Variants in TBC1D2 observed in about 807,000 individuals in gnomAD.
The protein encoded by TBC1D2 is TBC1 domain family member 2A.
TBC1D2 carries 58 observed loss-of-function variants against 91.1 expected under a neutral mutation model. The observed-to-expected ratio is 0.64, with a 90% confidence interval of 0.52 to 0.79. TBC1D2 has a LOEUF of 0.79. Ranked by LOEUF, TBC1D2 falls within the 30% of genes least tolerant of loss-of-function variation. The pLI is 0.00. For missense variants in TBC1D2, 1,080 were observed against 1,208.3 expected, an observed-to-expected ratio of 0.89 and a Z score of 1.57; for synonymous variants, 482 against 511.5, an observed-to-expected ratio of 0.94 and a Z score of 0.78.
chr9:98,235,361 CCA>C (rs1829478544), intron 3 of TBC1D2: 1 of 446,564 alleles, frequency 2.2e-6, no homozygotes, highest in African/African-American at 2.1e-5. Context: ...TCTAGATAAA[CCA>C]CAGTTACAAG....
intron 6 of TBC1D2, 194 bp from the exon 7 acceptor site, chr9:98,213,412 G>A (rs7854249): frequency 0.072 from 100,459 of 1,395,772 alleles, 4,020 homozygotes; most frequent in African/African-American, 0.12. Context: ...GCATGATGTG[G>A]TAAAGGGACC....
At chr9:98,217,162 C>T (rs1014830930) in intron 6 of TBC1D2, among the ~76,000 whole-genome samples, 1 of 152,180 alleles carries the variant, frequency 6.6e-6, no homozygotes, top group African/African-American at 2.4e-5. Context: ...CCCTCCAGCT[C>T]GATGCCCTAC....
At chr9:98,223,483 C>G (rs1829148579) in intron 5 of TBC1D2, among the ~76,000 whole-genome samples, 1 of 152,154 alleles carries the variant, frequency 6.6e-6, no homozygotes, top group Non-Finnish European at 1.5e-5. Flanking sequence ...ATTAACATTC[C>G]TGTGGTTCCA....
At position 98,235,247 on chromosome 9, in the gene TBC1D2, C is replaced by T. The variant is rs575193410; in HGVS notation, c.648-1698G>A. On this transcript the variant is annotated intron_variant, in intron 3 of 12. Coordinates refer to ENST00000465784, the MANE Select transcript of TBC1D2 (RefSeq NM_001267571.2). The stretch of plus-strand genomic sequence containing the variant: ...GGACATAGGAGGACAACCCCAATTT[C>T]GGAGCATGTAGGAACTATATTGCTT... 516 of 299,832 alleles carry T rather than the reference C, an allele frequency of 1.7e-3. 1 individual carries two copies. The highest frequency in any genetic ancestry group is 2.9e-3 in the Non-Finnish European group (433 of 149,792). The allele number at this position is 299,832 out of a possible 1,614,324, so 18.6% of individuals were successfully genotyped here.
intron 2 of TBC1D2, among the ~76,000 whole-genome samples, chr9:98,250,511 C>T (rs1205492468): frequency 6.6e-6 from 1 of 151,976 alleles, no homozygotes; most frequent in South Asian, 2.1e-4. Flanking sequence ...GCAAAAATGG[C>T]CAGCACAGTG....
At chr9:98,204,855 C>T (rs1828607705) in intron 9 of TBC1D2, among the ~76,000 whole-genome samples, 1 of 152,250 alleles carries the variant, frequency 6.6e-6, no homozygotes, top group Non-Finnish European at 1.5e-5. Flanking sequence ...GTGAGATACA[C>T]TGGCCTCTAT....
intron 2 of TBC1D2, among the ~76,000 whole-genome samples, chr9:98,247,761 C>T (rs1829797397): frequency 6.7e-6 from 1 of 149,430 alleles, no homozygotes; most frequent in Admixed American, 6.6e-5. Context: ...GCCATAAAGC[C>T]CCATATTGTG....
chr9:98,255,120 CGAAAA>C, intron 1 of TBC1D2, 48 bp downstream of exon 1: 1 of 1,555,630 alleles, frequency 6.4e-7, no homozygotes, highest in Non-Finnish European at 8.7e-7. Flanking sequence ...CCTTGCCCTG[CGAAAA>C]GGGGACCTCA....
rs746570490 is a variant in TBC1D2, at chr9:98,210,874, C to T, written c.1486-31G>A. 1,192 of 1,537,396 alleles carry T rather than the reference C, an allele frequency of 7.8e-4. 3 individuals are homozygous for T. The highest frequency in any genetic ancestry group is 1.0e-3 in the Non-Finnish European group (1,138 of 1,140,288). On this transcript the variant is annotated intron_variant, in intron 7 of 12. Transcript: ENST00000465784. ...AACAGGGAAAGGCTGGTCAGGCTACCGGGTGGGAGCTGGGCCGCCCCAGAG... is the reference window on the plus strand; with the variant it reads ...AACAGGGAAAGGCTGGTCAGGCTACTGGGTGGGAGCTGGGCCGCCCCAGAG...
chr9:98,208,633 A>G (rs747554030), intron 9 of TBC1D2, 35 bp downstream of exon 9: 1 of 1,508,620 alleles, frequency 6.6e-7, no homozygotes, highest in South Asian at 1.3e-5. Context: ...TCCAAAAGGT[A>G]AAGATCACAC....
At chr9:98,203,971 G>A (rs776632220) in intron 9 of TBC1D2, among the ~76,000 whole-genome samples, 6 of 152,064 alleles carry the variant, frequency 3.9e-5, no homozygotes, top group African/African-American at 9.7e-5. Flanking sequence ...ACCTTGCCTC[G>A]CTCACTGCCT....
chr9:98,224,555 T>C (rs1829185437), intron 5 of TBC1D2, among the ~76,000 whole-genome samples: 1 of 152,080 alleles, frequency 6.6e-6, no homozygotes, highest in African/African-American at 2.4e-5. Context: ...AGTGTTGGGG[T>C]TATAGGTGTG....
At position 98,200,342 on chromosome 9, in the gene TBC1D2, C is replaced by T; in HGVS notation, c.2490G>A (p.Lys830=). Residue 830 remains lysine, a synonymous_variant, in exon 12 of 13, where the codon AAG becomes AAA. Transcript: ENST00000465784. The stretch of plus-strand genomic sequence containing the variant: ...GCCTCAAGATCTCCTTCTCGTTGTA[C>T]TTGAAAATGGCCAAGGCATAGCGAA... The part of the protein sequence containing the change: ...VVFRYALAIF[K]YNEKEILRLQ... 6.2e-7 allele frequency: 1 copy of T among 1,611,864 alleles called. No homozygotes were observed. The highest frequency in any genetic ancestry group is 8.5e-7 in the Non-Finnish European group (1 of 1,179,600).
rs147704204 is a variant in TBC1D2 at position 98,199,572 on chromosome 9, C to T, written c.2596G>A (p.Ala866Thr). The change falls in exon 13 of 13, where the codon GCC becomes ACC. Residue 866 changes from alanine to threonine, a missense_variant. Coordinates refer to ENST00000465784, the MANE Select transcript of TBC1D2 (RefSeq NM_001267571.2). ...CGGAAGGGGTTCATGTCATTGAAGG[C>T]GATGTTCATCAGCTTCCTGGGAGGA... Reference protein sequence around the residue: ...ISNSRKLMNIAFNDMNPFRMK... With the variant: ...ISNSRKLMNITFNDMNPFRMK... 58 of 1,613,910 alleles carry T rather than the reference C, an allele frequency of 3.6e-5. No homozygotes were observed. The highest frequency in any genetic ancestry group is 4.6e-5 in the Non-Finnish European group (54 of 1,180,058).
intron 6 of TBC1D2, among the ~76,000 whole-genome samples, chr9:98,219,931 C>T (rs1829054213): frequency 6.6e-6 from 1 of 152,188 alleles, no homozygotes; most frequent in Non-Finnish European, 1.5e-5. Context: ...AGCCACAGGC[C>T]TCCCAGTGGG....
chr9:98,235,166 G>A (rs1012065322), intron 3 of TBC1D2: 1 of 253,042 alleles, frequency 4.0e-6, no homozygotes, highest in Admixed American at 3.9e-5. Flanking sequence ...TTACGCCACT[G>A]CACCTCCAGC....
intron 6 of TBC1D2, among the ~76,000 whole-genome samples, chr9:98,218,583 A>C (rs72757981): frequency 0.1 from 15,598 of 152,116 alleles, 1,003 homozygotes; most frequent in East Asian, 0.21. Flanking sequence ...TAAAAATAAA[A>C]AAAAATAAAA....
rs1021723993 is a variant in TBC1D2, at chr9:98,210,841, G to T, written c.1488C>A (p.Cys496Ter). The T allele has an allele frequency of 6.4e-7, 1 of 1,551,006 alleles. No homozygotes were observed. The highest frequency in any genetic ancestry group is 2.0e-5 in the Admixed American group (1 of 50,950). ...AEKEKALLTK[C>*]AYLQARNCQV... is the part of the protein sequence containing the mutation. ...GGCAGTTTCTGGCTTGGAGGTAGGC[G>T]CACTGCAAACAGGGAAAGGCTGGTC... The change falls in exon 8 of 13, where the codon TGC becomes TGA. Residue 496 changes from cysteine to a stop codon, truncating the protein, a stop_gained and splice_region_variant. Transcript: ENST00000465784. LOFTEE classifies it high-confidence loss of function.
At chr9:98,212,506 CTTT>C (rs35946860) in intron 7 of TBC1D2, among the ~76,000 whole-genome samples, 1 of 146,202 alleles carries the variant, frequency 6.8e-6, no homozygotes. Flanking sequence ...CCAAGTGCAT[CTTT>C]TTTTTTTTTT....
Sources: gnomAD v4.1 joint callset for allele counts (sites outside exome capture counted in the v4.1 genomes callset) on GRCh38, gnomAD v4.1.1 for gene constraint, MANE v1.5 for transcripts, NCBI Gene and HGNC (gene_info 2026-07-23, HGNC 2026-07-21) for gene names.